Variants in COLGALT2 observed in about 807,000 individuals in gnomAD.
The protein encoded by COLGALT2 is collagen beta(1-O)galactosyltransferase 2, also known as procollagen galactosyltransferase 2.
In COLGALT2, 49 loss-of-function variants were observed where a neutral mutation model predicts 73.4. The observed-to-expected ratio is 0.67, with a 90% CI of 0.53 to 0.85. COLGALT2 has a LOEUF of 0.85. Ranked by LOEUF, COLGALT2 falls within the 40% of genes least tolerant of loss-of-function variation. The pLI, the probability that COLGALT2 is intolerant of heterozygous loss-of-function variation, is 0.00. For missense variants in COLGALT2, 722 were observed against 790.2 expected (o/e 0.91, Z 1.03); for synonymous variants, 295 against 307.6 (o/e 0.96, Z 0.43).
intron 5 of COLGALT2, 145 bp from the exon 6 acceptor site, chr1:183,964,165 T>C (rs775682062): frequency 1.7e-5 from 12 of 713,912 alleles, no homozygotes; most frequent in Non-Finnish European, 2.6e-5. Context: ...TCTATAGACC[T>C]AAAAAATGCT....
intron 1 of COLGALT2, among the ~76,000 whole-genome samples, chr1:184,027,009 G>T (rs1649353009): frequency 6.6e-6 from 1 of 152,074 alleles, no homozygotes; most frequent in Admixed American, 6.5e-5. Flanking sequence ...TTCATACAGT[G>T]GGTAAAACAT....
At chr1:183,968,318 T>A (rs1670935969) in intron 5 of COLGALT2, among the ~76,000 whole-genome samples, 1 of 152,246 alleles carries the variant, frequency 6.6e-6, no homozygotes, top group Admixed American at 6.5e-5. Context: ...GCTGTTGAAC[T>A]GCTCTTGTGA....
chr1:183,976,909 T>C (rs1487910971), intron 2 of COLGALT2, among the ~76,000 whole-genome samples: 1 of 152,148 alleles, frequency 6.6e-6, no homozygotes, highest in Non-Finnish European at 1.5e-5. Flanking sequence ...GAATTAGTTA[T>C]AAAGAAGGAA....
At chr1:183,978,358 T>C (rs894374791) in intron 2 of COLGALT2, 52 bp downstream of exon 2, 1 of 1,009,270 alleles carries the variant, frequency 9.9e-7, no homozygotes, top group African/African-American at 1.6e-5. Context: ...AAAGAGCTAG[T>C]TAAAGAGGAA....
chr1:183,932,144 C>T (rs534099909), downstream of COLGALT2, among the ~76,000 whole-genome samples: 3 of 152,214 alleles, frequency 2.0e-5, no homozygotes, highest in African/African-American at 7.2e-5. Flanking sequence ...GAGATTAAAA[C>T]ATTAAATTTT....
At chr1:183,992,521 C>T (rs1242130892) in intron 1 of COLGALT2, among the ~76,000 whole-genome samples, 6 of 152,266 alleles carry the variant, frequency 3.9e-5, no homozygotes, top group Admixed American at 6.5e-5. Context: ...CAATGAAGCA[C>T]TCATAATTTT....
At chr1:183,962,476 C>T (rs774797939) in intron 6 of COLGALT2, among the ~76,000 whole-genome samples, 26 of 151,904 alleles carry the variant, frequency 1.7e-4, no homozygotes, top group Non-Finnish European at 3.2e-4. Flanking sequence ...TCTTTTCAAA[C>T]CTCTCCTTTA....
chr1:183,955,775 G>T (rs377104400), intron 6 of COLGALT2, among the ~76,000 whole-genome samples: 1 of 152,192 alleles, frequency 6.6e-6, no homozygotes, highest in African/African-American at 2.4e-5. Flanking sequence ...TAAAATGATA[G>T]CTGGTAACTG....
intron 6 of COLGALT2, among the ~76,000 whole-genome samples, chr1:183,956,280 G>A (rs1314301695): frequency 1.3e-5 from 2 of 152,166 alleles, no homozygotes; most frequent in Non-Finnish European, 2.9e-5. Flanking sequence ...ATTCTAGAAC[G>A]TAGTGAGACA....
intron 1 of COLGALT2, among the ~76,000 whole-genome samples, chr1:184,004,653 T>C (rs1224967883): frequency 6.6e-6 from 1 of 152,198 alleles, no homozygotes; most frequent in African/African-American, 2.4e-5. Context: ...ACAAACATCC[T>C]GAGGGACAAT....
chr1:183,954,843 A>G lies in COLGALT2; in HGVS notation c.953-5T>C, dbSNP rs552945541. The G allele has an allele frequency of 6.2e-7, 1 of 1,608,712 alleles. No homozygotes were observed. The highest frequency in any genetic ancestry group is 1.7e-5 in the Admixed American group (1 of 59,934). On this transcript the variant is annotated splice_polypyrimidine_tract_variant and splice_region_variant and intron_variant, in intron 6 of 11. Transcript: ENST00000361927. Reference sequence around the variant, plus strand: ...GTTCCATTGGAGGACGGTCAACTGGAAGACACAAGAAACATGCAGAGTGCT... The same window carrying G: ...GTTCCATTGGAGGACGGTCAACTGGGAGACACAAGAAACATGCAGAGTGCT...
intron 1 of COLGALT2, among the ~76,000 whole-genome samples, chr1:184,032,857 G>A (rs1006333247): frequency 6.6e-6 from 1 of 152,110 alleles, no homozygotes; most frequent in East Asian, 1.9e-4. Context: ...GCTACTGATT[G>A]GACATTAAAA....
At chr1:183,989,827 A>G (rs77382330) in intron 1 of COLGALT2, among the ~76,000 whole-genome samples, 2,870 of 152,276 alleles carry the variant, frequency 0.019, 71 homozygotes, top group African/African-American at 0.055. Flanking sequence ...AAATGGGACA[A>G]TAACATCTGC....
chr1:184,013,976 C>T (rs1232799367), intron 1 of COLGALT2, among the ~76,000 whole-genome samples: 1 of 151,958 alleles, frequency 6.6e-6, no homozygotes, highest in Non-Finnish European at 1.5e-5. Flanking sequence ...GGAGACAGAG[C>T]TGGTTGAGAA....
At chr1:184,035,038 C>T (rs774850703) in intron 1 of COLGALT2, among the ~76,000 whole-genome samples, 3 of 152,208 alleles carry the variant, frequency 2.0e-5, no homozygotes, top group Non-Finnish European at 2.9e-5. Flanking sequence ...CAATGACTGA[C>T]GCAAGCATGG....
intron 1 of COLGALT2, among the ~76,000 whole-genome samples, chr1:184,029,079 A>G (rs1262161492): frequency 2.0e-5 from 3 of 152,218 alleles, no homozygotes; most frequent in Admixed American, 6.5e-5. Context: ...CCCTGCAGCC[A>G]AATCTGAGGT....
At chr1:183,962,154 CTTTTTTTT>C (rs34873073) in intron 6 of COLGALT2, among the ~76,000 whole-genome samples, 7 of 85,534 alleles carry the variant, frequency 8.2e-5, no homozygotes, top group Admixed American at 1.6e-4. Flanking sequence ...TTTTCTCTTT[CTTTTTTTT>C]TTTTTTTTTT....
chr1:184,001,799 C>G (rs1383551030), intron 1 of COLGALT2, among the ~76,000 whole-genome samples: 1 of 152,122 alleles, frequency 6.6e-6, no homozygotes, highest in African/African-American at 2.4e-5. Context: ...ATATAACATC[C>G]CATGAAATGC....
chr1:183,950,333 CTCCT>C (rs2102795447), intron 8 of COLGALT2, among the ~76,000 whole-genome samples: 1 of 152,280 alleles, frequency 6.6e-6, no homozygotes, highest in Non-Finnish European at 1.5e-5. Flanking sequence ...GCTAGCCATA[CTCCT>C]TAGTTGGAGT....
Sources: allele counts gnomAD v4.1 joint callset (sites outside exome capture counted in the v4.1 genomes callset), GRCh38; gene constraint gnomAD v4.1.1; transcripts MANE v1.5; gene names NCBI Gene and HGNC (gene_info 2026-07-23, HGNC 2026-07-21).